PCDHGA2: variants seen among roughly 807,000 people sequenced by gnomAD.
PCDHGA2 encodes protocadherin gamma subfamily A, 2.
In PCDHGA2, 40 loss-of-function variants were observed where a neutral mutation model predicts 59.2. The observed-to-expected ratio is 0.68, with a 90% CI of 0.52 to 0.88. PCDHGA2 has a LOEUF of 0.88. Among genes scored for constraint, PCDHGA2 ranks in the 40% least tolerant of loss-of-function variants. The pLI, the probability that PCDHGA2 is intolerant of heterozygous loss-of-function variation, is 0.00. For missense variants in PCDHGA2, 1,226 were observed against 1,204.0 expected (o/e 1.02, Z -0.27); for synonymous variants, 560 against 526.0 (o/e 1.06, Z -0.89).
At chr5:141,410,585 G>A in intron 1 of PCDHGA2, 1 of 1,610,012 alleles carries the variant, frequency 6.2e-7, no homozygotes, top group South Asian at 1.1e-5. Flanking sequence ...TCATGGTGGG[G>A]AGGATTTGAC....
At chr5:141,342,790 C>A (rs529330279) in intron 1 of PCDHGA2, 2 of 152,298 alleles carry the variant, frequency 1.3e-5, no homozygotes, top group South Asian at 2.1e-4. Flanking sequence ...ATTTATATTT[C>A]TGTGCTTGGA....
chr5:141,468,300 G>C (rs2099162063), intron 1 of PCDHGA2, among the ~76,000 whole-genome samples: 1 of 146,430 alleles, frequency 6.8e-6, no homozygotes, highest in Non-Finnish European at 1.5e-5. Flanking sequence ...ACCCCAGCCT[G>C]GGCAACAAGA....
chr5:141,395,427 T>A, intron 1 of PCDHGA2: 2 of 722,004 alleles, frequency 2.8e-6, no homozygotes, highest in Non-Finnish European at 4.3e-6. Flanking sequence ...CATTTGCTTT[T>A]AAACGACTTG....
Position 141,477,914 on chromosome 5 carries a change from G to T in PCDHGA2, c.2425-16893G>T. On this transcript the variant is annotated intron_variant, in intron 1 of 3. Coordinates refer to ENST00000394576, the MANE Select transcript of PCDHGA2 (RefSeq NM_018915.4). The surrounding 1 kb of genome is among the most constrained non-coding windows in gnomAD (Gnocchi z 4.9). ...ACGGGTGGTAGGCTGGGACGCGGAT[G>T]CAGGGCACAATGCCTGGCTCTCCTA... 2 of 1,614,204 alleles carry T rather than the reference G, an allele frequency of 1.2e-6. No homozygotes were observed. The highest frequency in any genetic ancestry group is 1.7e-6 in the Non-Finnish European group (2 of 1,180,044).
chr5:141,356,115 G>A (rs766964072), intron 1 of PCDHGA2: 1 of 1,613,762 alleles, frequency 6.2e-7, no homozygotes, highest in Admixed American at 1.7e-5. Flanking sequence ...CAATATTGGG[G>A]GGTCTAGATT....
rs749469652 is a variant in PCDHGA2, at chr5:141,371,514, CT to C, written c.2424+30120del. On this transcript the variant is annotated intron_variant, in intron 1 of 3. Transcript: ENST00000394576. The stretch of plus-strand genomic sequence containing the variant: ...CGTTGCCCTGATCAAAACACATGAT[CT>C]AGATTCTGGATTTAATGGAGAAATC... The C allele has an allele frequency of 1.9e-6, 3 of 1,613,792 alleles. No homozygotes were observed. The South Asian group carries it at 3.3e-5, about 18-fold the overall frequency.
intron 1 of PCDHGA2, among the ~76,000 whole-genome samples, chr5:141,472,122 G>A (rs898092092): frequency 6.6e-6 from 1 of 152,176 alleles, no homozygotes; most frequent in African/African-American, 2.4e-5. Flanking sequence ...GAAAATAAAA[G>A]AGAAGTTAAA....
Position 141,490,013 on chromosome 5 carries a change from G to A in PCDHGA2, c.2425-4794G>A. 6.2e-7 allele frequency: 1 copy of A among 1,614,206 alleles called. No individual in the cohort carries two copies. The highest frequency in any genetic ancestry group is 1.1e-5 in the South Asian group (1 of 91,088). Reference sequence around the variant, plus strand: ...GGAATCCCAGAGAATGCACCCATTGGTACTCTGCTGCTCCGCCTCAATGCC... The same window carrying A: ...GGAATCCCAGAGAATGCACCCATTGATACTCTGCTGCTCCGCCTCAATGCC... On this transcript the variant is annotated intron_variant, in intron 1 of 3. Transcript: ENST00000394576. This position sits in a 1 kb window ranked among gnomAD's most constrained non-coding sequence, Gnocchi z 5.4.
At position 141,511,349 on chromosome 5, in the gene PCDHGA2, C is replaced by CG; in HGVS notation, c.*176_*177insG. On this transcript the variant is annotated 3_prime_UTR_variant, in exon 4 of 4. Coordinates refer to ENST00000394576, the MANE Select transcript of PCDHGA2 (RefSeq NM_018915.4). The stretch of plus-strand genomic sequence containing the variant: ...GCCCAGTCAGCACCTACCCCTTCCC[C>CG]CCCAGGGGGTTGAATATGCAAAAGC... 7.1e-7 allele frequency: 1 copy of CG among 1,401,498 alleles called. No homozygotes were observed. Among genetic ancestry groups the CG allele is most frequent in the African/African-American group, 1.5e-5 (1 of 68,948 alleles). 86.8% of individuals were successfully genotyped at this position (1,401,498 alleles called of 1,614,324 possible).
intron 1 of PCDHGA2, chr5:141,365,005 C>T (rs1329280545): frequency 1.2e-6 from 2 of 1,613,788 alleles, no homozygotes; most frequent in South Asian, 1.1e-5. Flanking sequence ...TCTCCGGCAC[C>T]ACGCACATCC....
intron 1 of PCDHGA2, chr5:141,366,052 C>T: frequency 6.2e-7 from 1 of 1,614,248 alleles, no homozygotes; most frequent in Non-Finnish European, 8.5e-7. Context: ...GTTCCACGGG[C>T]GTGGAGCTGG....
chr5:141,419,660 A>C (rs759082983), intron 1 of PCDHGA2: 1 of 1,612,798 alleles, frequency 6.2e-7, no homozygotes, highest in Admixed American at 1.7e-5. Context: ...CTCGGGGCAC[A>C]ATGCCTGGCT....
intron 1 of PCDHGA2, chr5:141,366,719 G>A: frequency 6.2e-7 from 1 of 1,613,834 alleles, no homozygotes; most frequent in Non-Finnish European, 8.5e-7. Flanking sequence ...GTCTGATAAG[G>A]TAGATGCAAA....
chr5:141,469,112 A>T (rs1207790108), intron 1 of PCDHGA2, among the ~76,000 whole-genome samples: 1 of 151,698 alleles, frequency 6.6e-6, no homozygotes, highest in African/African-American at 2.4e-5. Flanking sequence ...ACCTGTCTCT[A>T]AAAAAATTTA....
At chr5:141,374,135 A>G (rs564020884) in intron 1 of PCDHGA2, 17 of 1,605,796 alleles carry the variant, frequency 1.1e-5, no homozygotes, top group Non-Finnish European at 1.4e-5. Context: ...CCTGCTCCTC[A>G]CGCTCCTGGG....
chr5:141,360,408 C>A (rs2149814524), intron 1 of PCDHGA2: 1 of 1,613,870 alleles, frequency 6.2e-7, no homozygotes, highest in Non-Finnish European at 8.5e-7. Context: ...ACAGAATAGA[C>A]CGAGAACAGA....
intron 1 of PCDHGA2, chr5:141,419,481 C>A (rs2096389716): frequency 2.5e-6 from 4 of 1,612,424 alleles, no homozygotes; most frequent in Non-Finnish European, 3.4e-6. Context: ...GGCTCGCCCG[C>A]GCTCAGCGCC....
At chr5:141,361,404 A>G in intron 1 of PCDHGA2, 1 of 1,614,050 alleles carries the variant, frequency 6.2e-7, no homozygotes, top group East Asian at 2.2e-5. Context: ...TCACCATCAC[A>G]GCCACCGACG....
chr5:141,348,217 T>C (rs1156609144), intron 1 of PCDHGA2, among the ~76,000 whole-genome samples: 1 of 152,160 alleles, frequency 6.6e-6, no homozygotes, highest in East Asian at 1.9e-4. Flanking sequence ...CTCAATATAT[T>C]AGGAAAAGGC....
Sources: allele counts gnomAD v4.1 joint callset (sites outside exome capture counted in the v4.1 genomes callset), GRCh38; gene constraint gnomAD v4.1.1; non-coding constraint Gnocchi (gnomAD v3.1); transcripts MANE v1.5; gene names NCBI Gene and HGNC (gene_info 2026-07-23, HGNC 2026-07-21).